ANO2: variants seen among roughly 807,000 people sequenced by gnomAD.
The protein encoded by ANO2 is anoctamin 2.
ANO2 carries 101 observed loss-of-function variants against 124.2 expected under a neutral mutation model. That is an observed-to-expected ratio of 0.81 (90% CI 0.69 to 0.96). The LOEUF (loss-of-function observed/expected upper bound fraction) is 0.96. Ranked by LOEUF, ANO2 falls within the 40% of genes least tolerant of loss-of-function variation. The probability of loss-of-function intolerance (pLI) is 0.00; values close to 1 mark genes in which losing one functional copy is unlikely to be tolerated. For missense variants in ANO2, 1,293 were observed against 1,274.5 expected, an observed-to-expected ratio of 1.01 and a Z score of -0.22; for synonymous variants, 486 against 482.5, an observed-to-expected ratio of 1.01 and a Z score of -0.09.
intron 5 of ANO2, 150 bp from the exon 6 acceptor site, chr12:5,830,639 T>C (rs1954122344): frequency 2.0e-6 from 1 of 498,446 alleles, no homozygotes; most frequent in Non-Finnish European, 3.4e-6. Flanking sequence ...CCTTCTTGAC[T>C]CAGTAATTCT....
chr12:5,779,619 G>A (rs976422009), intron 10 of ANO2, among the ~76,000 whole-genome samples: 19 of 152,314 alleles, frequency 1.2e-4, no homozygotes, highest in Non-Finnish European at 7.3e-5. Context: ...TAGCCTCACA[G>A]TGGAGGAATC....
intron 11 of ANO2, among the ~76,000 whole-genome samples, chr12:5,749,639 G>A (rs188506847): frequency 1.3e-5 from 2 of 152,316 alleles, no homozygotes; most frequent in East Asian, 1.9e-4. Context: ...TACTAACCAT[G>A]CTTCAGTTTG....
At chr12:5,642,139 T>C (rs1288754659) in intron 15 of ANO2, among the ~76,000 whole-genome samples, 2 of 152,208 alleles carry the variant, frequency 1.3e-5, no homozygotes, top group South Asian at 4.1e-4. Flanking sequence ...TCTTGACTTC[T>C]GGGACTCTCT....
chr12:5,670,385 A>G (rs368519551), intron 14 of ANO2, among the ~76,000 whole-genome samples: 1 of 152,132 alleles, frequency 6.6e-6, no homozygotes, highest in African/African-American at 2.4e-5. Context: ...CATTAAGGGG[A>G]AATAATGGGA....
intron 10 of ANO2, among the ~76,000 whole-genome samples, chr12:5,782,956 A>G (rs999446666): frequency 3.3e-5 from 5 of 152,220 alleles, no homozygotes; most frequent in Admixed American, 2.6e-4. Context: ...CCTACTGCCA[A>G]TCTACCACTT....
At chr12:5,869,118 A>G (rs976645394) in intron 3 of ANO2, among the ~76,000 whole-genome samples, 1 of 152,138 alleles carries the variant, frequency 6.6e-6, no homozygotes, top group African/African-American at 2.4e-5. Context: ...GGGGTCGAGA[A>G]GCCTGCAGGA....
chr12:5,872,348 CA>C (rs1308681412), intron 3 of ANO2, among the ~76,000 whole-genome samples: 1 of 152,130 alleles, frequency 6.6e-6, no homozygotes, highest in East Asian at 1.9e-4. Context: ...TAGTCTAACC[CA>C]GGGTCCCTCA....
intron 11 of ANO2, 111 bp downstream of exon 11, chr12:5,750,725 G>C (rs1374178943): frequency 3.5e-5 from 39 of 1,123,918 alleles, no homozygotes; most frequent in Non-Finnish European, 4.4e-5. Context: ...GAAGGAGAAT[G>C]ATAGAGGGTG....
intron 15 of ANO2, among the ~76,000 whole-genome samples, chr12:5,638,837 A>T (rs1375340234): frequency 6.6e-6 from 1 of 152,096 alleles, no homozygotes; most frequent in East Asian, 1.9e-4. Context: ...TCTGGGACAT[A>T]AACAAAATGC....
intron 12 of ANO2, among the ~76,000 whole-genome samples, chr12:5,741,829 A>T (rs1483230830): frequency 6.6e-6 from 1 of 152,204 alleles, no homozygotes; most frequent in Non-Finnish European, 1.5e-5. Context: ...TGCCCAAGGT[A>T]ACAGGGCACC....
At chr12:5,759,520 T>C (rs1226871044) in intron 10 of ANO2, among the ~76,000 whole-genome samples, 4 of 151,396 alleles carry the variant, frequency 2.6e-5, no homozygotes, top group Admixed American at 6.6e-5. Context: ...GAACCATCAT[T>C]ACTGCCTGAG....
rs1035459735 is a variant in ANO2 at position 5,645,670 on chromosome 12, T to G, written c.1620+2057A>C. Among the ~76,000 whole-genome samples the G allele has an allele frequency of 2.0e-5, 3 of 152,348 alleles. No individual in the cohort carries two copies. In the South Asian group the frequency reaches 6.2e-4, roughly 32 times the overall value. On this transcript the variant is annotated intron_variant, in intron 15 of 24. Transcript: ENST00000682330. ...TATTTTCAATATCTCTGGTCTTTGC[T>G]GTCTGTTCCCACTGGTTCTTTCATA...
intron 11 of ANO2, among the ~76,000 whole-genome samples, chr12:5,750,510 GGA>G (rs918473204): frequency 2.4e-4 from 36 of 152,276 alleles, no homozygotes; most frequent in African/African-American, 6.3e-4. Context: ...GTGATGAAGT[GGA>G]GAGAGAGAGG....
At chr12:5,759,551 G>T (rs1951679504) in intron 10 of ANO2, among the ~76,000 whole-genome samples, 1 of 150,714 alleles carries the variant, frequency 6.6e-6, no homozygotes, top group African/African-American at 2.4e-5. Flanking sequence ...TATCAGATCA[G>T]CAGCAGCATT....
At chr12:5,630,212 C>T (rs1945645151) in intron 16 of ANO2, among the ~76,000 whole-genome samples, 1 of 152,210 alleles carries the variant, frequency 6.6e-6, no homozygotes, top group Non-Finnish European at 1.5e-5. Flanking sequence ...GCCTCCTCAA[C>T]TATCAAGAGA....
chr12:5,695,875 A>T (rs1949151712), intron 14 of ANO2, among the ~76,000 whole-genome samples: 1 of 152,130 alleles, frequency 6.6e-6, no homozygotes, highest in Admixed American at 6.5e-5. Context: ...AAAATAACCC[A>T]TAGAATAAAG....
chr12:5,589,124 C>T (rs980782235), intron 20 of ANO2, among the ~76,000 whole-genome samples: 8 of 152,182 alleles, frequency 5.3e-5, no homozygotes, highest in Admixed American at 1.3e-4. Flanking sequence ...TCCATGGAGA[C>T]GGCAGAAACT....
At chr12:5,657,735 C>T (rs1210328859) in intron 14 of ANO2, among the ~76,000 whole-genome samples, 3 of 151,770 alleles carry the variant, frequency 2.0e-5, no homozygotes, top group Non-Finnish European at 2.9e-5. Context: ...GCATCAGTTG[C>T]CCTGAGTGTG....
chr12:5,690,164 C>T (rs970657128), intron 14 of ANO2, among the ~76,000 whole-genome samples: 12 of 152,160 alleles, frequency 7.9e-5, no homozygotes, highest in Middle Eastern at 6.8e-3. Flanking sequence ...CATTCTCAAC[C>T]GAGCTTATGG....
Sources: allele counts gnomAD v4.1 joint callset (sites outside exome capture counted in the v4.1 genomes callset), GRCh38; gene constraint gnomAD v4.1.1; transcripts MANE v1.5; gene names NCBI Gene and HGNC (gene_info 2026-07-23, HGNC 2026-07-21).